The following DPY19L4 variants were observed in gnomAD, a reference collection of about 807,000 sequenced individuals.
DPY19L4 encodes the protein dpy-19 like 4, also known as probable C-mannosyltransferase DPY19L4.
In DPY19L4, 97 loss-of-function variants were observed where a neutral mutation model predicts 102.8. The ratio of observed to expected loss-of-function variants is 0.94; its 90% CI spans 0.80 to 1.12. DPY19L4 has a LOEUF of 1.12. Ranked by LOEUF, DPY19L4 falls within the 50% of genes most tolerant of loss-of-function variation. DPY19L4 has a pLI of 0.00. For synonymous variants in DPY19L4, 252 were observed against 283.1 expected, an observed-to-expected ratio of 0.89 and a Z score of 1.10; for missense variants, 815 against 850.4, an observed-to-expected ratio of 0.96 and a Z score of 0.52.
At chr8:94,749,656 A>G (rs1586353099) in intron 6 of DPY19L4, among the ~76,000 whole-genome samples, 1 of 152,340 alleles carries the variant, frequency 6.6e-6, no homozygotes, top group East Asian at 1.9e-4. Context: ...AAGGAATGGC[A>G]TGCATCCTAA....
intron 6 of DPY19L4, among the ~76,000 whole-genome samples, chr8:94,745,893 TA>T (rs1387950930): frequency 6.6e-6 from 1 of 152,006 alleles, no homozygotes; most frequent in Non-Finnish European, 1.5e-5. Flanking sequence ...TAGCTGGGAC[TA>T]CAGGCATGAG....
Position 94,792,156 on chromosome 8 carries a change from C to T in DPY19L4, c.*2246C>T, listed in dbSNP as rs1200302208. 1 of 152,102 alleles carries T rather than the reference C, an allele frequency of 6.6e-6. No individual in the cohort carries two copies. Among genetic ancestry groups the T allele is most frequent in the Non-Finnish European group, 1.5e-5 (1 of 68,000 alleles). 9.4% of individuals were successfully genotyped at this position (152,102 alleles called of 1,614,324 possible). On this transcript the variant is annotated 3_prime_UTR_variant, in exon 19 of 19. Coordinates refer to ENST00000414645, the MANE Select transcript of DPY19L4 (RefSeq NM_181787.3). Reference sequence around the variant, plus strand: ...TGGGTTTTGGGTGGAAGGAATTTCTCAAAGAAATAAAAAATGTTCTTTGCC... The same window carrying T: ...TGGGTTTTGGGTGGAAGGAATTTCTTAAAGAAATAAAAAATGTTCTTTGCC...
intron 8 of DPY19L4, among the ~76,000 whole-genome samples, chr8:94,764,669 G>GTGTGTGTC (rs1812559545): frequency 8.8e-6 from 1 of 114,258 alleles, no homozygotes; most frequent in African/African-American, 3.7e-5. Context: ...ATGTATGCGT[G>GTGTGTGTC]TGTGTGTGTG....
At chr8:94,789,605 T>C in intron 18 of DPY19L4, 141 bp from the exon 19 acceptor site, 1 of 717,278 alleles carries the variant, frequency 1.4e-6, no homozygotes, top group Non-Finnish European at 2.1e-6. Flanking sequence ...AAGGCTTCTA[T>C]TTGCTAACAG....
At chr8:94,734,519 C>A in intron 2 of DPY19L4, 111 bp from the exon 3 acceptor site, 1 of 1,089,368 alleles carries the variant, frequency 9.2e-7, no homozygotes, top group Non-Finnish European at 1.3e-6. Flanking sequence ...CACAATTAGA[C>A]TCGAGTTGTG....
At chr8:94,761,973 G>A in intron 8 of DPY19L4, 139 bp downstream of exon 8, 1 of 891,322 alleles carries the variant, frequency 1.1e-6, no homozygotes, top group Non-Finnish European at 1.5e-6. Flanking sequence ...TTTGGACAGA[G>A]AGAAGTTAAT....
chr8:94,720,131 G>A, intron 1 of DPY19L4, 117 bp downstream of exon 1: 2 of 1,398,832 alleles, frequency 1.4e-6, no homozygotes, highest in Non-Finnish European at 1.9e-6. Flanking sequence ...TGGCGGCCGC[G>A]CGGGCAGGGC....
At chr8:94,755,839 C>T (rs149045017) in intron 6 of DPY19L4, among the ~76,000 whole-genome samples, 197 bp from the exon 7 acceptor site, 5,246 of 151,542 alleles carry the variant, frequency 0.035, 110 homozygotes, top group Admixed American at 0.04. Context: ...GACCTGAGAT[C>T]GTGCCACTGC....
chr8:94,786,317 G>C (rs1344737449), intron 17 of DPY19L4, among the ~76,000 whole-genome samples: 1 of 151,940 alleles, frequency 6.6e-6, no homozygotes, highest in Non-Finnish European at 1.5e-5. Flanking sequence ...TAGAGACAGG[G>C]TTTCATCATG....
intron 2 of DPY19L4, among the ~76,000 whole-genome samples, chr8:94,730,485 C>T (rs1810896508): frequency 6.6e-6 from 1 of 151,950 alleles, no homozygotes; most frequent in African/African-American, 2.4e-5. Context: ...GTGGCTCGTG[C>T]CTGTAATCCC....
intron 3 of DPY19L4, among the ~76,000 whole-genome samples, chr8:94,736,367 A>G (rs1811188722): frequency 6.6e-6 from 1 of 152,226 alleles, no homozygotes; most frequent in African/African-American, 2.4e-5. Context: ...GGAGAGTCAC[A>G]ATATATAAGA....
rs1223051932 is a variant in DPY19L4, at chr8:94,785,002, T to C, written c.1848+1200T>C. 4.6e-5 allele frequency among the ~76,000 whole-genome samples: 7 copies of C among 152,278 alleles called. No homozygotes were observed. In the South Asian group the frequency reaches 1.2e-3, roughly 27 times the overall value. On this transcript the variant is annotated intron_variant, in intron 17 of 18. Coordinates refer to ENST00000414645, the MANE Select transcript of DPY19L4 (RefSeq NM_181787.3). ...AGTTCCCAATATTCTGTTTTTCAAT[T>C]TTAGATAATTTCATAGAGTTTTTAA...
At chr8:94,777,137 G>A (rs1813222355) in intron 13 of DPY19L4, among the ~76,000 whole-genome samples, 1 of 151,916 alleles carries the variant, frequency 6.6e-6, no homozygotes, top group Non-Finnish European at 1.5e-5. Context: ...TGCGATCTCA[G>A]CTCACTGCAA....
chr8:94,762,152 C>T (rs910630153), intron 8 of DPY19L4, among the ~76,000 whole-genome samples: 9 of 152,180 alleles, frequency 5.9e-5, no homozygotes, highest in Non-Finnish European at 8.8e-5. Flanking sequence ...AGCTGATACT[C>T]AGACTTTTGA....
At chr8:94,754,171 T>A (rs775995313) in intron 6 of DPY19L4, among the ~76,000 whole-genome samples, 8 of 151,918 alleles carry the variant, frequency 5.3e-5, no homozygotes, top group Non-Finnish European at 1.2e-4. Flanking sequence ...GGGGAGGGAA[T>A]AGGAAAAAAG....
rs990390431 is a variant in DPY19L4 at position 94,791,783 on chromosome 8, A to G, written c.*1873A>G. On this transcript the variant is annotated 3_prime_UTR_variant, in exon 19 of 19. Transcript: ENST00000414645. ...TTGTGTTTTGTTTGACATATTAGTA[A>G]GTTGCTTTTGCTTCTTTCTGTCAAC... is the stretch of plus-strand genomic sequence containing the variant. The G allele has an allele frequency of 6.6e-6, 1 of 152,110 alleles. No homozygotes were observed. The highest frequency in any genetic ancestry group is 1.5e-5 in the Non-Finnish European group (1 of 68,020). 9.4% of individuals were successfully genotyped at this position (152,110 alleles called of 1,614,324 possible).
At chr8:94,779,718 T>C (rs1462004283) in intron 14 of DPY19L4, among the ~76,000 whole-genome samples, 2 of 152,142 alleles carry the variant, frequency 1.3e-5, no homozygotes, top group Admixed American at 6.6e-5. Context: ...TAAGCCTCAC[T>C]GCTTATTAAG....
chr8:94,761,916 A>C, intron 8 of DPY19L4, 82 bp downstream of exon 8: 1 of 1,409,584 alleles, frequency 7.1e-7, no homozygotes, highest in South Asian at 1.7e-5. Flanking sequence ...TCTTTTCTTC[A>C]TCCATACACT....
At chr8:94,730,956 G>T (rs1810924900) in intron 2 of DPY19L4, among the ~76,000 whole-genome samples, 1 of 149,146 alleles carries the variant, frequency 6.7e-6, no homozygotes, top group Non-Finnish European at 1.5e-5. Context: ...TGTTGGCCAG[G>T]CTGGTCTCAA....
Sources: gnomAD v4.1 joint callset for allele counts (sites outside exome capture counted in the v4.1 genomes callset) on GRCh38, gnomAD v4.1.1 for gene constraint, MANE v1.5 for transcripts, NCBI Gene and HGNC (gene_info 2026-07-23, HGNC 2026-07-21) for gene names.